Variants in CYTH4 observed in about 807,000 individuals in gnomAD.
CYTH4 encodes the protein cytohesin-4.
In CYTH4, 22 loss-of-function variants were observed where a neutral mutation model predicts 57.5. The observed-to-expected ratio is 0.38, with a 90% CI of 0.27 to 0.55. The LOEUF (loss-of-function observed/expected upper bound fraction) is 0.55. CYTH4 is among the 20% of genes least tolerant of loss of function. CYTH4 has a pLI of 0.74. For synonymous variants in CYTH4, 186 were observed against 206.5 expected, an observed-to-expected ratio of 0.90 and a Z score of 0.85; for missense variants, 420 against 535.6, an observed-to-expected ratio of 0.78 and a Z score of 2.13.
intron 1 of CYTH4, among the ~76,000 whole-genome samples, chr22:37,287,056 G>C (rs1362211231): frequency 6.6e-6 from 1 of 152,252 alleles, no homozygotes; most frequent in African/African-American, 2.4e-5. Context: ...ACCATTTCCA[G>C]AGCTCAGGAA....
intron 9 of CYTH4, among the ~76,000 whole-genome samples, chr22:37,310,192 C>T (rs1330941015): frequency 6.6e-6 from 1 of 152,172 alleles, no homozygotes; most frequent in Non-Finnish European, 1.5e-5. Flanking sequence ...ACACCCCAGT[C>T]CATCCTCCTC....
rs1929794742 is a variant in CYTH4, at chr22:37,314,794, G to A, written c.*1283G>A. On this transcript the variant is annotated 3_prime_UTR_variant, in exon 13 of 13. Coordinates refer to ENST00000248901, the MANE Select transcript of CYTH4 (RefSeq NM_013385.5). ...ATTCCTTGGCAGGGGAACAGGAAAT[G>A]TGGCCGCCTCTGCCCCACTGCCAGC... 5.5e-6 allele frequency: 1 copy of A among 183,282 alleles called. No individual in the cohort carries two copies. Among genetic ancestry groups the A allele is most frequent in the East Asian group, 1.3e-4 (1 of 7,642 alleles). The allele number at this position is 183,282 out of a possible 1,614,324, so 11.4% of individuals were successfully genotyped here.
At chr22:37,284,252 C>T (rs1169470752) in intron 1 of CYTH4, among the ~76,000 whole-genome samples, 1 of 152,182 alleles carries the variant, frequency 6.6e-6, no homozygotes, top group East Asian at 1.9e-4. Context: ...TACAAACGAC[C>T]TTCCAGTGTG....
At chr22:37,309,348 G>C (rs371595811) in intron 9 of CYTH4, 25 bp downstream of exon 9, 1 of 1,601,866 alleles carries the variant, frequency 6.2e-7, no homozygotes, top group African/African-American at 1.3e-5. Context: ...GACACACGTC[G>C]TCGCACACAC....
At chr22:37,302,310 A>G (rs1324075285) in intron 7 of CYTH4, among the ~76,000 whole-genome samples, 1 of 152,236 alleles carries the variant, frequency 6.6e-6, no homozygotes, top group Non-Finnish European at 1.5e-5. Context: ...AGTTGTAGGT[A>G]GGAAAGAAGG....
Position 37,311,591 on chromosome 22 carries a change from G to A in CYTH4, c.957+64G>A. 1 of 1,524,918 alleles carries A rather than the reference G, an allele frequency of 6.6e-7. No individual in the cohort carries two copies. Among genetic ancestry groups the A allele is most frequent in the Non-Finnish European group, 9.1e-7 (1 of 1,102,356 alleles). 94.5% of individuals were successfully genotyped at this position (1,524,918 alleles called of 1,614,324 possible). A position where few individuals can be genotyped will look rare whatever the true frequency, so the allele number is the denominator to read the frequency against. The stretch of plus-strand genomic sequence containing the variant: ...CTGGGAAATTTCCTAAACAGAACGT[G>A]GGGAGAGGGCCTGAGGCTGGGCTCT... On this transcript the variant is annotated intron_variant, in intron 11 of 12. Coordinates refer to ENST00000248901, the MANE Select transcript of CYTH4 (RefSeq NM_013385.5). This position sits in a 1 kb window ranked among gnomAD's most constrained non-coding sequence, Gnocchi z 4.4.
chr22:37,305,211 G>A (rs1206028310), intron 8 of CYTH4, among the ~76,000 whole-genome samples: 1 of 152,102 alleles, frequency 6.6e-6, no homozygotes, highest in Non-Finnish European at 1.5e-5. Flanking sequence ...TCCCTCCTTA[G>A]CTGTTTTTCC....
chr22:37,304,547 C>T lies in CYTH4; in HGVS notation c.696+1145C>T, dbSNP rs540687251. Reference sequence around the variant, plus strand: ...GCCCAGCAGGGAGGGGCAGAGGGGGCGCGAACACCACGGTCCCAGCTCAGC... The same window carrying T: ...GCCCAGCAGGGAGGGGCAGAGGGGGTGCGAACACCACGGTCCCAGCTCAGC... On this transcript the variant is annotated intron_variant, in intron 8 of 12. Coordinates refer to ENST00000248901, the MANE Select transcript of CYTH4 (RefSeq NM_013385.5). Among the ~76,000 whole-genome samples the T allele has an allele frequency of 3.9e-5, 6 of 152,260 alleles. No homozygotes were observed. The South Asian group carries it at 1.2e-3, about 32-fold the overall frequency.
intron 8 of CYTH4, among the ~76,000 whole-genome samples, chr22:37,307,838 G>T (rs1348554457): frequency 6.6e-6 from 1 of 152,178 alleles, no homozygotes; most frequent in Admixed American, 6.5e-5. Context: ...CTCATAGAAC[G>T]CAATATCTCA....
At chr22:37,300,779 C>A in intron 6 of CYTH4, 128 bp from the exon 7 acceptor site, 1 of 744,962 alleles carries the variant, frequency 1.3e-6, no homozygotes, top group Non-Finnish European at 2.2e-6. Flanking sequence ...CCCCGTCAGC[C>A]CAGATGACAG....
At chr22:37,300,414 A>C in intron 6 of CYTH4, 1 of 586,544 alleles carries the variant, frequency 1.7e-6, no homozygotes, top group Non-Finnish European at 3.0e-6. Context: ...ATACAGGCCC[A>C]GTTCTCACCT....
rs371158150 is a variant in CYTH4, at chr22:37,297,571, A to G, written c.242A>G (p.Gln81Arg). 91 of 1,613,462 alleles carry G rather than the reference A, an allele frequency of 5.6e-5. 1 individual carries two copies. Among genetic ancestry groups the G allele is most frequent in the East Asian group, 2.0e-4 (9 of 44,884 alleles). The stretch of plus-strand genomic sequence containing the variant: ...TCTGTGTACCCCCTCCAGGGTATCC[A>G]GTATTTCATTGAGCACAAGCTGCTG... Reference protein sequence around the residue: ...KFNMDPAKGIQYFIEHKLLTP... With the variant: ...KFNMDPAKGIRYFIEHKLLTP... Residue 81 changes from glutamine (Q) to arginine (R), a missense_variant, in exon 5 of 13, where the codon CAG (glutamine) becomes CGG (arginine). By Grantham distance (43) the Gln-to-Arg change is conservative. Transcript: ENST00000248901.
At position 37,303,157 on chromosome 22, in the gene CYTH4, G is replaced by A. The variant is rs547162392; in HGVS notation, c.548-97G>A. On this transcript the variant is annotated intron_variant, in intron 7 of 12. Transcript: ENST00000248901. Reference sequence around the variant, plus strand: ...AGCCAGGAGGACAAGGTGGACCTTCGGGGCCTTGCAATGGCAGTTCTGGGC... The same window carrying A: ...AGCCAGGAGGACAAGGTGGACCTTCAGGGCCTTGCAATGGCAGTTCTGGGC... 2.6e-4 allele frequency: 375 copies of A among 1,419,728 alleles called. 2 individuals carry two copies. The African/African-American group carries it at 7.6e-3, about 29-fold the overall frequency. 87.9% of individuals were successfully genotyped at this position (1,419,728 alleles called of 1,614,324 possible).
chr22:37,308,157 G>A (rs1479334476), intron 8 of CYTH4, among the ~76,000 whole-genome samples: 1 of 152,232 alleles, frequency 6.6e-6, no homozygotes, highest in Non-Finnish European at 1.5e-5. Flanking sequence ...TCAACAGGAA[G>A]TGGCCTATCC....
intron 1 of CYTH4, among the ~76,000 whole-genome samples, chr22:37,287,090 G>A (rs1601695784): frequency 6.6e-6 from 1 of 152,196 alleles, no homozygotes; most frequent in South Asian, 2.1e-4. Context: ...TGGGGAGGAG[G>A]GGGCATTCTA....
intron 6 of CYTH4, chr22:37,299,956 A>T: frequency 1.5e-6 from 1 of 681,332 alleles, no homozygotes. Context: ...ACACCACTGC[A>T]CTCCAGCCTG....
intron 1 of CYTH4, among the ~76,000 whole-genome samples, chr22:37,287,095 A>G (rs563567660): frequency 2.8e-4 from 42 of 152,062 alleles, no homozygotes; most frequent in Non-Finnish European, 5.1e-4. Flanking sequence ...AGGAGGGGGC[A>G]TTCTAGAAGT....
At chr22:37,287,559 C>T (rs1217573404) in intron 1 of CYTH4, among the ~76,000 whole-genome samples, 1 of 152,248 alleles carries the variant, frequency 6.6e-6, no homozygotes, top group Non-Finnish European at 1.5e-5. Context: ...GGCCTCCCCG[C>T]CAGCTCCTGC....
chr22:37,300,763 C>A, intron 6 of CYTH4, 144 bp from the exon 7 acceptor site: 1 of 671,890 alleles, frequency 1.5e-6, no homozygotes, highest in Non-Finnish European at 2.5e-6. Context: ...GGTGCCCATC[C>A]CACTTCCCCG....
Sources: gnomAD v4.1 joint callset for allele counts (sites outside exome capture counted in the v4.1 genomes callset) on GRCh38, gnomAD v4.1.1 for gene constraint, Gnocchi (gnomAD v3.1) non-coding constraint, MANE v1.5 for transcripts, NCBI Gene and HGNC (gene_info 2026-07-23, HGNC 2026-07-21) for gene names.